Variants in NKAIN3 observed in about 807,000 individuals in gnomAD.
NKAIN3 encodes the protein sodium/potassium-transporting ATPase subunit beta-1-interacting protein 3.
In NKAIN3, 25 loss-of-function variants were observed where a neutral mutation model predicts 30.2. That is an observed-to-expected ratio of 0.83 (90% confidence interval 0.60 to 1.16). The LOEUF is 1.16. NKAIN3 is among the 50% of genes most tolerant of loss of function. The probability of loss-of-function intolerance (pLI) is 0.00; values close to 1 mark genes in which losing one functional copy is unlikely to be tolerated. For missense variants in NKAIN3, 225 were observed against 254.1 expected (o/e 0.89, Z 0.78); for synonymous variants, 91 against 89.6 (o/e 1.02, Z -0.09).
At chr8:62,329,175 A>G (rs1815251023) in intron 1 of NKAIN3, among the ~76,000 whole-genome samples, 2 of 152,178 alleles carry the variant, frequency 1.3e-5, no homozygotes, top group South Asian at 4.2e-4. Context: ...CAGCCTCATC[A>G]GTGGCCTTGA....
chr8:62,415,342 AGATGAT>A (rs999618697), intron 1 of NKAIN3, among the ~76,000 whole-genome samples: 3 of 147,806 alleles, frequency 2.0e-5, no homozygotes, highest in Admixed American at 6.9e-5. Context: ...GATGATAAAT[AGATGAT>A]GATGATGATG....
intron 3 of NKAIN3, among the ~76,000 whole-genome samples, chr8:62,606,100 C>T (rs748744649): frequency 3.2e-4 from 48 of 152,030 alleles, no homozygotes; most frequent in African/African-American, 1.1e-3. Context: ...AATAAATGTG[C>T]GTCGATCCAC....
intron 1 of NKAIN3, among the ~76,000 whole-genome samples, chr8:62,293,677 G>A (rs1288662483): frequency 7.2e-5 from 11 of 152,162 alleles, no homozygotes; most frequent in African/African-American, 1.7e-4. Context: ...TAGGCTACTC[G>A]GGGGTCAGGG....
intron 4 of NKAIN3, among the ~76,000 whole-genome samples, chr8:62,904,598 A>G (rs1426106533): frequency 6.6e-6 from 1 of 152,216 alleles, no homozygotes; most frequent in Non-Finnish European, 1.5e-5. Context: ...GCTGAGCAAC[A>G]TGGTGACCCA....
chr8:62,642,582 A>G (rs1812343202), intron 3 of NKAIN3, among the ~76,000 whole-genome samples: 1 of 152,152 alleles, frequency 6.6e-6, no homozygotes, highest in Admixed American at 6.6e-5. Context: ...CAAACAAAGC[A>G]AATAACTGAA....
At position 62,279,312 on chromosome 8, in the gene NKAIN3, T is replaced by C. The variant is rs960349151; in HGVS notation, c.54+30185T>C. 7.2e-5 allele frequency among the ~76,000 whole-genome samples: 11 copies of C among 152,346 alleles called. No individual in the cohort carries two copies. The South Asian group carries it at 1.0e-3, about 14-fold the overall frequency. On this transcript the variant is annotated intron_variant, in intron 1 of 6. Coordinates refer to ENST00000623646, the MANE Select transcript of NKAIN3 (RefSeq NM_001304533.3). ...AGTAGATTGCAAAAATTTTCTCCCA[T>C]TCTGTAGGTTGCCTGTTCACTCTGA...
intron 6 of NKAIN3, among the ~76,000 whole-genome samples, chr8:62,963,570 G>T (rs1270495623): frequency 6.6e-6 from 1 of 152,214 alleles, no homozygotes. Flanking sequence ...AGGGATTCAT[G>T]TATTGGATGG....
At chr8:62,889,003 T>G (rs1424904447) in intron 4 of NKAIN3, among the ~76,000 whole-genome samples, 1 of 152,188 alleles carries the variant, frequency 6.6e-6, no homozygotes, top group East Asian at 1.9e-4. Context: ...AAATGCTGTG[T>G]GTCAGCAATG....
chr8:62,617,286 T>A (rs1811487395), intron 3 of NKAIN3, among the ~76,000 whole-genome samples: 1 of 152,172 alleles, frequency 6.6e-6, no homozygotes. Context: ...TCCTTATTAA[T>A]GATAAAAGAC....
chr8:62,857,074 C>T (rs1240410034), intron 4 of NKAIN3: 1 of 469,166 alleles, frequency 2.1e-6, no homozygotes, highest in Non-Finnish European at 4.2e-6. Context: ...ATACGACTCC[C>T]ACCTTTACAT....
At chr8:62,553,927 T>C (rs1809304531) in intron 1 of NKAIN3, among the ~76,000 whole-genome samples, 1 of 152,206 alleles carries the variant, frequency 6.6e-6, no homozygotes, top group South Asian at 2.1e-4. Context: ...AGAGGATTTC[T>C]ACTTTTACTT....
At chr8:62,374,583 T>C (rs1052858951) in intron 1 of NKAIN3, among the ~76,000 whole-genome samples, 1 of 152,214 alleles carries the variant, frequency 6.6e-6, no homozygotes, top group Admixed American at 6.5e-5. Flanking sequence ...TAAGAGCTTC[T>C]TGGTGCAAAT....
At chr8:62,586,816 A>G (rs1370042894) in intron 2 of NKAIN3, among the ~76,000 whole-genome samples, 1 of 151,982 alleles carries the variant, frequency 6.6e-6, no homozygotes, top group African/African-American at 2.4e-5. Flanking sequence ...TCATTATTAT[A>G]GGTCTTGTCT....
intron 1 of NKAIN3, among the ~76,000 whole-genome samples, chr8:62,542,289 G>A (rs1332252997): frequency 1.3e-5 from 2 of 152,140 alleles, no homozygotes; most frequent in Non-Finnish European, 2.9e-5. Flanking sequence ...CATATCTAGA[G>A]GGTAAGTGTT....
chr8:62,750,292 A>G (rs1277726306), intron 4 of NKAIN3, among the ~76,000 whole-genome samples: 1 of 151,732 alleles, frequency 6.6e-6, no homozygotes, highest in African/African-American at 2.4e-5. Flanking sequence ...AATGAGAGGG[A>G]AGTATTTGAG....
At chr8:62,472,377 T>G (rs1336639868) in intron 1 of NKAIN3, among the ~76,000 whole-genome samples, 1 of 152,188 alleles carries the variant, frequency 6.6e-6, no homozygotes, top group Non-Finnish European at 1.5e-5. Flanking sequence ...GTTTGAGTGA[T>G]GGGCAAGATA....
At chr8:62,730,134 T>C (rs1461039419) in intron 3 of NKAIN3, among the ~76,000 whole-genome samples, 2 of 152,182 alleles carry the variant, frequency 1.3e-5, no homozygotes, top group Non-Finnish European at 2.9e-5. Context: ...TTATATTTTT[T>C]ATTTTTAATT....
intron 1 of NKAIN3, among the ~76,000 whole-genome samples, chr8:62,540,981 C>G (rs1808818794): frequency 6.6e-6 from 1 of 152,096 alleles, no homozygotes; most frequent in Non-Finnish European, 1.5e-5. Context: ...TTTTAAGACA[C>G]TAGTTTGTTC....
chr8:62,761,024 AT>A (rs1816642235), intron 4 of NKAIN3, among the ~76,000 whole-genome samples: 2 of 151,930 alleles, frequency 1.3e-5, no homozygotes, highest in South Asian at 4.2e-4. Flanking sequence ...CTTACTTTTG[AT>A]TTACCTTTTC....
Sources: gnomAD v4.1 joint callset for allele counts (sites outside exome capture counted in the v4.1 genomes callset) on GRCh38, gnomAD v4.1.1 for gene constraint, MANE v1.5 for transcripts, NCBI Gene and HGNC (gene_info 2026-07-23, HGNC 2026-07-21) for gene names.